The following RALGAPB variants were observed in gnomAD, a reference collection of about 807,000 sequenced individuals.
RALGAPB encodes ral GTPase-activating protein subunit beta.
RALGAPB carries 25 observed loss-of-function variants against 161.1 expected under a neutral mutation model. The ratio of observed to expected loss-of-function variants is 0.16; its 90% CI spans 0.11 to 0.22. RALGAPB has a LOEUF of 0.22. Among genes scored for constraint, RALGAPB ranks in the 10% least tolerant of loss-of-function variants. RALGAPB has a pLI of 1.00. For synonymous variants in RALGAPB, 629 were observed against 626.1 expected (o/e 1.00, Z -0.07); for missense variants, 1,391 against 1,815.2 (o/e 0.77, Z 4.25).
intron 13 of RALGAPB, among the ~76,000 whole-genome samples, chr20:38,529,741 C>G (rs1039842314): frequency 1.3e-5 from 2 of 151,784 alleles, no homozygotes; most frequent in African/African-American, 4.8e-5. Context: ...TACTCGGAGG[C>G]CGAGGCAGAG....
intron 5 of RALGAPB, among the ~76,000 whole-genome samples, chr20:38,507,204 C>G (rs2085787679): frequency 1.3e-5 from 2 of 151,944 alleles, no homozygotes; most frequent in African/African-American, 4.8e-5. Context: ...TGAAATTATT[C>G]TATATAATAT....
At chr20:38,528,829 C>T (rs1189125677) in intron 13 of RALGAPB, among the ~76,000 whole-genome samples, 11 of 151,996 alleles carry the variant, frequency 7.2e-5, no homozygotes, top group African/African-American at 2.7e-4. Context: ...TACTGGCACC[C>T]GCCACCACGC....
chr20:38,490,500 G>T (rs549231564), intron 2 of RALGAPB, among the ~76,000 whole-genome samples: 1 of 148,250 alleles, frequency 6.7e-6, no homozygotes, highest in Non-Finnish European at 1.5e-5. Context: ...GAGCCACCGC[G>T]CCCGGCCTAT....
intron 18 of RALGAPB, 103 bp from the exon 19 acceptor site, chr20:38,546,140 G>A (rs1338872255): frequency 6.4e-7 from 1 of 1,564,490 alleles, no homozygotes; most frequent in Non-Finnish European, 8.7e-7. Flanking sequence ...GCATGGCTGT[G>A]GTCAATTAAA....
At chr20:38,555,939 A>G (rs550094435) in intron 22 of RALGAPB, among the ~76,000 whole-genome samples, 1 of 152,300 alleles carries the variant, frequency 6.6e-6, no homozygotes, top group South Asian at 2.1e-4. Context: ...GTTTTCCATG[A>G]TCAAATAAGG....
At chr20:38,567,297 G>A in intron 26 of RALGAPB, 65 bp downstream of exon 26, 1 of 1,554,034 alleles carries the variant, frequency 6.4e-7, no homozygotes, top group Non-Finnish European at 8.7e-7. Flanking sequence ...ATAGAATCCT[G>A]CCTGAAAAGC....
In RALGAPB at chr20:38,493,062, C is replaced by T; in HGVS notation, c.319C>T (p.Pro107Ser). The change falls in exon 3 of 30, where the codon CCA (proline) becomes TCA (serine). Residue 107 changes from proline (P) to serine (S), a missense_variant. By Grantham distance (74) the Pro-to-Ser change is moderately conservative. Around this residue, in one of 3 missense-constraint regions of RALGAPB, gnomAD observed 946 missense variants for 1,257.2 expected, o/e 0.75. Coordinates refer to ENST00000262879, the MANE Select transcript of RALGAPB (RefSeq NM_020336.4). ...GTTGCCAAAAGATTCTATTCCATTG[C>T]CAGTTATTAAAGAGCCTAATCAATA... is the stretch of plus-strand genomic sequence containing the variant. Reference protein sequence around the residue: ...LVLPKDSIPLPVIKEPNQYVQ... With the variant: ...LVLPKDSIPLSVIKEPNQYVQ... 6.2e-7 allele frequency: 1 copy of T among 1,611,790 alleles called. No homozygotes were observed. Among genetic ancestry groups the T allele is most frequent in the Non-Finnish European group, 8.5e-7 (1 of 1,178,202 alleles).
chr20:38,506,782 A>G (rs1320987800), intron 5 of RALGAPB, among the ~76,000 whole-genome samples: 3 of 152,136 alleles, frequency 2.0e-5, no homozygotes, highest in Non-Finnish European at 2.9e-5. Flanking sequence ...GGGCAAAGAG[A>G]GGGGGTGACA....
In RALGAPB at chr20:38,509,100, C is replaced by T. The variant is rs1367062653; in HGVS notation, c.764C>T (p.Pro255Leu). The change falls in exon 6 of 30, where the codon CCT (proline) becomes CTT (leucine). Residue 255 changes from proline to leucine, a missense_variant. Pro to Leu is a moderately conservative substitution (Grantham distance 98). Coordinates refer to ENST00000262879, the MANE Select transcript of RALGAPB (RefSeq NM_020336.4). ...TSRLLRFTYGPSFPAFKVPDE... is the reference protein window; with the variant it reads ...TSRLLRFTYGLSFPAFKVPDE... ...AGATTGCTACGCTTTACATATGGTC[C>T]TTCATTTCCTGCATTTAAAGTTCCC... is the stretch of plus-strand genomic sequence containing the variant. The T allele has an allele frequency of 6.2e-7, 1 of 1,613,586 alleles. No individual in the cohort carries two copies. Among genetic ancestry groups the T allele is most frequent in the Non-Finnish European group, 8.5e-7 (1 of 1,179,540 alleles).
chr20:38,531,536 G>A (rs2086650043), intron 14 of RALGAPB, among the ~76,000 whole-genome samples: 2 of 152,138 alleles, frequency 1.3e-5, no homozygotes, highest in African/African-American at 4.8e-5. Flanking sequence ...AAACTTGGTT[G>A]AATAACCTAG....
rs1371810658 is a variant in RALGAPB, at chr20:38,578,637, A to G, written c.*3670A>G. On this transcript the variant is annotated 3_prime_UTR_variant, in exon 30 of 30. Transcript: ENST00000262879. ...CCAAGACATGATTTTTTCTTATTGTATTTTCTGTAAATATTTCTGGCACTG... is the reference window on the plus strand; with the variant it reads ...CCAAGACATGATTTTTTCTTATTGTGTTTTCTGTAAATATTTCTGGCACTG... 2 of 152,398 alleles carry G rather than the reference A, an allele frequency of 1.3e-5. No individual in the cohort carries two copies. Among genetic ancestry groups the G allele is most frequent in the African/African-American group, 2.4e-5 (1 of 41,360 alleles). 9.4% of individuals were successfully genotyped at this position (152,398 alleles called of 1,614,324 possible). A position where few individuals can be genotyped will look rare whatever the true frequency, so the allele number is the denominator to read the frequency against.
At chr20:38,488,279 C>A in intron 1 of RALGAPB, 124 bp from the exon 2 acceptor site, 1 of 591,820 alleles carries the variant, frequency 1.7e-6, no homozygotes. Flanking sequence ...GTTTGAAAAA[C>A]ATTGATAGAG....
At chr20:38,524,490 A>C (rs1216186505) in intron 10 of RALGAPB, among the ~76,000 whole-genome samples, 1 of 77,882 alleles carries the variant, frequency 1.3e-5, no homozygotes, top group Non-Finnish European at 3.9e-5. Context: ...AACAGACATG[A>C]ATTTTTTTTT....
intron 21 of RALGAPB, 144 bp from the exon 22 acceptor site, chr20:38,553,721 AGG>A: frequency 1.6e-6 from 1 of 611,084 alleles, no homozygotes; most frequent in Admixed American, 3.4e-5. Flanking sequence ...CTAAGGCAGG[AGG>A]ATCACTTGAG....
intron 21 of RALGAPB, 22 bp from the exon 22 acceptor site, chr20:38,553,844 AT>A: frequency 6.4e-7 from 1 of 1,557,096 alleles, no homozygotes; most frequent in Non-Finnish European, 8.8e-7. Context: ...GTTTCAAAAA[AT>A]GAAATATTTG....
chr20:38,515,691 A>G (rs184570408), intron 6 of RALGAPB, among the ~76,000 whole-genome samples: 3 of 152,144 alleles, frequency 2.0e-5, no homozygotes, highest in Admixed American at 1.3e-4. Context: ...TTTTGTTGAC[A>G]TATTTATAGC....
intron 20 of RALGAPB, 146 bp downstream of exon 20, chr20:38,548,941 G>T (rs1045543601): frequency 6.1e-5 from 40 of 652,294 alleles, no homozygotes; most frequent in South Asian, 1.2e-4. Flanking sequence ...AATCATCTAG[G>T]AACCTAGAAT....
chr20:38,488,124 C>G (rs1161940610), intron 1 of RALGAPB, among the ~76,000 whole-genome samples: 1 of 152,170 alleles, frequency 6.6e-6, no homozygotes, highest in African/African-American at 2.4e-5. Flanking sequence ...ACAAAGGAAA[C>G]AAGTTTCACA....
At chr20:38,533,507 A>G (rs2086717478) in intron 15 of RALGAPB, among the ~76,000 whole-genome samples, 1 of 152,098 alleles carries the variant, frequency 6.6e-6, no homozygotes, top group African/African-American at 2.4e-5. Context: ...TTATCCAGCT[A>G]GATTGGAGTG....
Sources: allele counts gnomAD v4.1 joint callset (sites outside exome capture counted in the v4.1 genomes callset), GRCh38; gene constraint gnomAD v4.1.1; regional missense constraint gnomAD v4.1.1; transcripts MANE v1.5; gene names NCBI Gene and HGNC (gene_info 2026-07-23, HGNC 2026-07-21).